The following ATP11A variants were observed in gnomAD, a reference collection of about 807,000 sequenced individuals.
ATP11A encodes the protein ATPase phospholipid transporting 11A, also known as phospholipid-transporting ATPase IH.
In ATP11A, 81 loss-of-function variants were observed where a neutral mutation model predicts 154.4. The ratio of observed to expected loss-of-function variants is 0.52; its 90% CI spans 0.44 to 0.63. The LOEUF is 0.63. Ranked by LOEUF, ATP11A falls within the 30% of genes least tolerant of loss-of-function variation. The probability of loss-of-function intolerance (pLI) is 0.00; values close to 1 mark genes in which losing one functional copy is unlikely to be tolerated. For synonymous variants in ATP11A, 623 were observed against 585.9 expected (o/e 1.06, Z -0.91); for missense variants, 1,316 against 1,474.3 (o/e 0.89, Z 1.76).
At chr13:112,732,881 G>T (rs959704576) in intron 1 of ATP11A, among the ~76,000 whole-genome samples, 4 of 152,206 alleles carry the variant, frequency 2.6e-5, no homozygotes, top group Middle Eastern at 3.2e-3. Context: ...CCAAGGTGCT[G>T]TGATTACAGG....
At chr13:112,869,180 G>C (rs1042998263) in intron 25 of ATP11A, among the ~76,000 whole-genome samples, 36 of 152,362 alleles carry the variant, frequency 2.4e-4, no homozygotes, top group African/African-American at 8.4e-4. Context: ...ATGCGTTTCA[G>C]GATAGCTCCA....
intron 1 of ATP11A, among the ~76,000 whole-genome samples, chr13:112,706,689 A>G (rs1381893690): frequency 6.6e-6 from 1 of 152,246 alleles, no homozygotes; most frequent in Non-Finnish European, 1.5e-5. Context: ...TTTCTTCTCT[A>G]AATACAATGA....
rs1004394303 is a variant in ATP11A at position 112,807,668 on chromosome 13, C to T, written c.333+1375C>T. Among the ~76,000 whole-genome samples, 6 of 152,118 alleles carry T rather than the reference C, an allele frequency of 3.9e-5. No individual in the cohort carries two copies. Among genetic ancestry groups the T allele is most frequent in the Admixed American group, 3.9e-4 (6 of 15,270 alleles). On this transcript the variant is annotated intron_variant, in intron 4 of 29. Coordinates refer to ENST00000375645, the MANE Select transcript of ATP11A (RefSeq NM_015205.3). The surrounding 1 kb of genome is among the most constrained non-coding windows in gnomAD (Gnocchi z 4.5). ...CACAAGGAAATGGTGCTGAAGGAAACGATGTTACTCGGGGACCTGCCATGT... is the reference window on the plus strand; with the variant it reads ...CACAAGGAAATGGTGCTGAAGGAAATGATGTTACTCGGGGACCTGCCATGT...
chr13:112,854,569 C>A (rs1465770053), intron 19 of ATP11A, 39 bp downstream of exon 19: 1 of 1,582,468 alleles, frequency 6.3e-7, no homozygotes, highest in Non-Finnish European at 8.6e-7. Context: ...CACACTCCCG[C>A]AAAAGGGGCT....
intron 29 of ATP11A, chr13:112,880,713 A>AGTTGT (rs1455122163): frequency 8.1e-7 from 1 of 1,241,410 alleles, no homozygotes; most frequent in East Asian, 5.8e-5. Context: ...TTTCCTCCAA[A>AGTTGT]GTTGTGCTGT....
rs753241456 is a variant in ATP11A at position 112,725,166 on chromosome 13, C to G, written c.39+34711C>G. 2.0e-5 allele frequency among the ~76,000 whole-genome samples: 3 copies of G among 152,278 alleles called. No homozygotes were observed. The East Asian group carries it at 5.8e-4, about 29-fold the overall frequency. ...TGAGTCACAAGAGACACTGCAAACC[C>G]CCCTTGTGGGAGCTGACTCAGGCTC... On this transcript the variant is annotated intron_variant, in intron 1 of 29. Coordinates refer to ENST00000375645, the MANE Select transcript of ATP11A (RefSeq NM_015205.3).
intron 1 of ATP11A, among the ~76,000 whole-genome samples, chr13:112,772,545 C>G (rs536453895): frequency 2.6e-4 from 21 of 79,798 alleles, no homozygotes; most frequent in African/African-American, 6.2e-4. Context: ...CAAATGAAAC[C>G]CCATGCCCAG....
chr13:112,802,708 G>T (rs1339695657), intron 2 of ATP11A, among the ~76,000 whole-genome samples: 2 of 152,122 alleles, frequency 1.3e-5, no homozygotes, highest in Non-Finnish European at 2.9e-5. Flanking sequence ...GTGACCTTGG[G>T]TTTGGCAACA....
intron 1 of ATP11A, among the ~76,000 whole-genome samples, chr13:112,703,590 A>G (rs1431199949): frequency 6.6e-6 from 1 of 152,238 alleles, no homozygotes; most frequent in Non-Finnish European, 1.5e-5. Flanking sequence ...CTGGAAAGAC[A>G]GAACGTAATT....
intron 1 of ATP11A, among the ~76,000 whole-genome samples, chr13:112,734,352 C>A (rs957021640): frequency 1.3e-5 from 2 of 152,096 alleles, no homozygotes; most frequent in Non-Finnish European, 2.9e-5. Context: ...GTTAAGAAAC[C>A]GTTGCAAGCA....
At chr13:112,845,176 A>G (rs1447814979) in intron 17 of ATP11A, among the ~76,000 whole-genome samples, 1 of 148,496 alleles carries the variant, frequency 6.7e-6, no homozygotes. Context: ...AGGCGCTAGC[A>G]GTACTAACCA....
intron 1 of ATP11A, among the ~76,000 whole-genome samples, chr13:112,773,793 C>T (rs574103658): frequency 7.8e-4 from 119 of 152,362 alleles, no homozygotes; most frequent in African/African-American, 2.8e-3. Flanking sequence ...GTGTGAGTGG[C>T]GATCTGCGTC....
At position 112,690,554 on chromosome 13, in the gene ATP11A, G is replaced by C; in HGVS notation, c.39+99G>C. The C allele has an allele frequency of 8.5e-7, 1 of 1,172,250 alleles. No individual in the cohort carries two copies. The highest frequency in any genetic ancestry group is 1.1e-6 in the Non-Finnish European group (1 of 929,790). 72.6% of individuals were successfully genotyped at this position (1,172,250 alleles called of 1,614,324 possible). A position where few individuals can be genotyped will look rare whatever the true frequency, so the allele number is the denominator to read the frequency against. On this transcript the variant is annotated intron_variant, in intron 1 of 29. Transcript: ENST00000375645. This position sits in a 1 kb window ranked among gnomAD's most constrained non-coding sequence, Gnocchi z 5.6. ...GTGGCCGGTCCAGCCCCGGGGTCCC[G>C]GGAGGTCTCCGATGTCTGGGACTCG...
chr13:112,763,189 C>T (rs912067955), intron 1 of ATP11A, among the ~76,000 whole-genome samples: 21 of 152,168 alleles, frequency 1.4e-4, no homozygotes, highest in Non-Finnish European at 2.2e-4. Context: ...ACAGCTATTA[C>T]GTTGTAAACC....
At chr13:112,707,093 A>C (rs1425890481) in intron 1 of ATP11A, among the ~76,000 whole-genome samples, 1 of 152,208 alleles carries the variant, frequency 6.6e-6, no homozygotes, top group Non-Finnish European at 1.5e-5. Context: ...GGGAACCACT[A>C]AACGAGCATA....
In ATP11A at chr13:112,754,896, C is replaced by T. The variant is rs1012092139; in HGVS notation, c.40-30239C>T. Among the ~76,000 whole-genome samples the T allele has an allele frequency of 6.6e-6, 1 of 152,244 alleles. No homozygotes were observed. The highest frequency in any genetic ancestry group is 2.4e-5 in the African/African-American group (1 of 41,468). ...CCCACTGCAGGGCTTCCCCAGCCCTCCTAGACACCCTGCACTTGCCCCTCC... is the reference window on the plus strand; with the variant it reads ...CCCACTGCAGGGCTTCCCCAGCCCTTCTAGACACCCTGCACTTGCCCCTCC... On this transcript the variant is annotated intron_variant, in intron 1 of 29. Coordinates refer to ENST00000375645, the MANE Select transcript of ATP11A (RefSeq NM_015205.3). The surrounding 1 kb of genome is among the most constrained non-coding windows in gnomAD (Gnocchi z 5.3).
chr13:112,798,973 C>G (rs1194978797), intron 2 of ATP11A, among the ~76,000 whole-genome samples: 1 of 152,090 alleles, frequency 6.6e-6, no homozygotes, highest in East Asian at 1.9e-4. Context: ...GGAAGATGTA[C>G]CATGCTGCTA....
rs551735888 is a variant in ATP11A at position 112,756,027 on chromosome 13, A to G, written c.40-29108A>G. On this transcript the variant is annotated intron_variant, in intron 1 of 29. Transcript: ENST00000375645. ...AACGGCACTCAGAGCGGCTCCCAGA[A>G]CCATTTCCGGTCACGGAAGCGTCAC... Among the ~76,000 whole-genome samples the G allele has an allele frequency of 5.5e-4, 83 of 152,168 alleles. 1 individual carries two copies. The highest frequency in any genetic ancestry group is 1.1e-3 in the Admixed American group (17 of 15,282).
chr13:112,733,026 GTTAT>G (rs1240262442), intron 1 of ATP11A, among the ~76,000 whole-genome samples: 4 of 152,190 alleles, frequency 2.6e-5, no homozygotes, highest in African/African-American at 9.7e-5. Flanking sequence ...AGGTTTACAA[GTTAT>G]TTATATAAAG....
Sources: allele counts gnomAD v4.1 joint callset (sites outside exome capture counted in the v4.1 genomes callset), GRCh38; gene constraint gnomAD v4.1.1; non-coding constraint Gnocchi (gnomAD v3.1); transcripts MANE v1.5; gene names NCBI Gene and HGNC (gene_info 2026-07-23, HGNC 2026-07-21).